The following SORL1 variants were observed in gnomAD, a reference collection of about 807,000 sequenced individuals.
SORL1 encodes sortilin related receptor 1, also known as sortilin-related receptor.
SORL1 carries 127 observed loss-of-function variants against 273.7 expected under a neutral mutation model. That is an observed-to-expected ratio of 0.46 (90% CI 0.40 to 0.54). The LOEUF is 0.54. SORL1 is among the 20% of genes least tolerant of loss of function. SORL1 has a pLI of 0.00. For missense variants in SORL1, 2,494 were observed against 2,846.1 expected (o/e 0.88, Z 2.81); for synonymous variants, 1,031 against 1,067.4 (o/e 0.97, Z 0.66).
At chr11:121,597,351 G>A (rs1180557308) in intron 32 of SORL1, among the ~76,000 whole-genome samples, 3 of 152,026 alleles carry the variant, frequency 2.0e-5, no homozygotes, top group South Asian at 2.1e-4. Flanking sequence ...CATGCACAGC[G>A]TGGCAGGCAT....
chr11:121,463,652 G>A (rs1486590933), intron 1 of SORL1, among the ~76,000 whole-genome samples: 1 of 152,180 alleles, frequency 6.6e-6, no homozygotes. Context: ...TCTGGAAAAT[G>A]GGCAGCCTGA....
intron 42 of SORL1, 75 bp from the exon 43 acceptor site, chr11:121,619,678 T>A: frequency 8.7e-7 from 1 of 1,155,116 alleles, no homozygotes; most frequent in Admixed American, 2.4e-5. Flanking sequence ...CATTATTTTG[T>A]TGAAAAAATA....
Position 121,574,308 on chromosome 11 carries a change from C to T in SORL1, c.3405C>T (p.Ser1135=), listed in dbSNP as rs866201628. ...CQESGTCIPL[S]YKCDLEDDCG... is the part of the protein sequence containing the mutation. ...AGTCTGGGACTTGTATCCCACTGTCCTATAAATGTGACCTTGAGGATGACT... is the reference window on the plus strand; with the variant it reads ...AGTCTGGGACTTGTATCCCACTGTCTTATAAATGTGACCTTGAGGATGACT... Residue 1135 remains serine (S), a synonymous_variant, in exon 24 of 48, where the codon TCC becomes TCT. Coordinates refer to ENST00000260197, the MANE Select transcript of SORL1 (RefSeq NM_003105.6). The T allele has an allele frequency of 6.2e-7, 1 of 1,613,668 alleles. No individual in the cohort carries two copies.
chr11:121,558,932 T>C, intron 20 of SORL1, 95 bp downstream of exon 20: 4 of 1,476,460 alleles, frequency 2.7e-6, no homozygotes, highest in Non-Finnish European at 3.7e-6. Flanking sequence ...AGAGAAGCTG[T>C]TTAACTTCTT....
In SORL1 at chr11:121,621,163, G is replaced by A. The variant is rs1302534334; in HGVS notation, c.5989G>A (p.Glu1997Lys). Residue 1997 changes from glutamate to lysine, a missense_variant, in exon 44 of 48, where the codon GAG becomes AAG. This residue lies in a region of SORL1 where 1,609 missense variants were observed against 1,816.4 expected (regional missense o/e 0.89). Coordinates refer to ENST00000260197, the MANE Select transcript of SORL1 (RefSeq NM_003105.6). ...STVEYTLNKL[E>K]PGGKYHIIVQ... ...TGTGGAATACACCCTTAACAAGTTG[G>A]AGCCTGGCGGGAAATACCACATCAT... is the stretch of plus-strand genomic sequence containing the variant. 6.2e-7 allele frequency: 1 copy of A among 1,614,196 alleles called. No individual in the cohort carries two copies.
At chr11:121,490,926 A>G (rs1861543775) in intron 5 of SORL1, among the ~76,000 whole-genome samples, 1 of 152,190 alleles carries the variant, frequency 6.6e-6, no homozygotes, top group African/African-American at 2.4e-5. Context: ...GCACAGAGGT[A>G]ACAGACATAG....
intron 24 of SORL1, among the ~76,000 whole-genome samples, chr11:121,576,585 A>G (rs939971360): frequency 1.3e-5 from 2 of 152,234 alleles, no homozygotes; most frequent in Non-Finnish European, 1.5e-5. Flanking sequence ...ATAAATTGCT[A>G]TTGTTTATAA....
intron 7 of SORL1, 73 bp from the exon 8 acceptor site, chr11:121,514,079 T>A: frequency 6.8e-7 from 1 of 1,475,234 alleles, no homozygotes; most frequent in Non-Finnish European, 9.3e-7. Flanking sequence ...AGTCATTGCT[T>A]CCGTGTGTAT....
At chr11:121,480,859 G>A (rs2511257) in intron 3 of SORL1, among the ~76,000 whole-genome samples, 6 of 142,148 alleles carry the variant, frequency 4.2e-5, no homozygotes, top group East Asian at 2.2e-4. Flanking sequence ...CTATAGGCAG[G>A]CTCCATCTCT....
chr11:121,621,460 T>G (rs1863722844), intron 44 of SORL1, among the ~76,000 whole-genome samples: 1 of 152,214 alleles, frequency 6.6e-6, no homozygotes, highest in South Asian at 2.1e-4. Flanking sequence ...ATCGTTTTCT[T>G]TATTTTCTAA....
Position 121,611,380 on chromosome 11 carries a change from T to C in SORL1, c.5322+222T>C, listed in dbSNP as rs555946275. The C allele has an allele frequency of 5.5e-5, 24 of 432,962 alleles. 1 individual carries two copies. Among genetic ancestry groups the C allele is most frequent in the African/African-American group, 3.0e-4 (15 of 49,834 alleles). 26.8% of individuals were successfully genotyped at this position (432,962 alleles called of 1,614,324 possible). On this transcript the variant is annotated intron_variant, in intron 39 of 47. Transcript: ENST00000260197. ...AATTATTCTGCCTCAGCCTGGTGCC[T>C]TTTTATCCTTAACCATATAATTAAA...
In SORL1 at chr11:121,604,230, C is replaced by G. The variant is rs1863433830; in HGVS notation, c.4557C>G (p.Phe1519Leu). ...HSTLTCMSRE[F>L]QCEDGEACIV... ...CCTTGACTTGCATGAGCAGGGAGTT[C>G]CAGTGCGAGGACGGGGAGGCCTGCA... The change falls in exon 33 of 48, where the codon TTC (phenylalanine) becomes TTG (leucine). Residue 1519 changes from phenylalanine to leucine, a missense_variant. Around this residue, in one of 3 missense-constraint regions of SORL1, gnomAD observed 1,609 missense variants for 1,816.4 expected, o/e 0.89. Transcript: ENST00000260197. The G allele has an allele frequency of 6.2e-7, 1 of 1,614,024 alleles. No individual in the cohort carries two copies. Among genetic ancestry groups the G allele is most frequent in the Non-Finnish European group, 8.5e-7 (1 of 1,180,024 alleles).
At position 121,622,236 on chromosome 11, in the gene SORL1, G is replaced by T; in HGVS notation, c.6139G>T (p.Ala2047Ser). ...DHVLLFWKSL[A>S]LKEKHFNESR... Reference sequence around the variant, plus strand: ...TGTTCTTCTGTTTTGGAAAAGCCTGGCTTTAAAGGAAAAGCATTTTAATGA... The same window carrying T: ...TGTTCTTCTGTTTTGGAAAAGCCTGTCTTTAAAGGAAAAGCATTTTAATGA... The change falls in exon 45 of 48, where the codon GCT becomes TCT. Residue 2047 changes from alanine to serine, a missense_variant. Ala to Ser is a moderately conservative substitution (Grantham distance 99). This residue lies in a region of SORL1 where 1,609 missense variants were observed against 1,816.4 expected (regional missense o/e 0.89). Coordinates refer to ENST00000260197, the MANE Select transcript of SORL1 (RefSeq NM_003105.6). 6.2e-7 allele frequency: 1 copy of T among 1,611,426 alleles called. No individual in the cohort carries two copies. Among genetic ancestry groups the T allele is most frequent in the Non-Finnish European group, 8.5e-7 (1 of 1,178,200 alleles).
chr11:121,628,516 A>T (rs1240762025), intron 47 of SORL1, among the ~76,000 whole-genome samples: 1 of 152,188 alleles, frequency 6.6e-6, no homozygotes, highest in African/African-American at 2.4e-5. Flanking sequence ...CACCACTCAC[A>T]GCCTGCTGTG....
At chr11:121,534,759 A>T (rs1862245621) in intron 12 of SORL1, among the ~76,000 whole-genome samples, 1 of 152,224 alleles carries the variant, frequency 6.6e-6, no homozygotes, top group African/African-American at 2.4e-5. Context: ...ATTTACTGTG[A>T]CACCCATGCA....
At chr11:121,541,831 G>A (rs2134884224) in intron 12 of SORL1, among the ~76,000 whole-genome samples, 1 of 152,302 alleles carries the variant, frequency 6.6e-6, no homozygotes, top group Middle Eastern at 3.4e-3. Flanking sequence ...CAAAGATAAT[G>A]TAAAATCAGT....
chr11:121,462,104 C>T (rs970054809), intron 1 of SORL1, among the ~76,000 whole-genome samples: 7 of 152,132 alleles, frequency 4.6e-5, no homozygotes, highest in African/African-American at 7.2e-5. Flanking sequence ...CAAACCAACC[C>T]GCTAACTTGT....
chr11:121,608,241 A>G, intron 38 of SORL1, 65 bp downstream of exon 38: 1 of 1,315,952 alleles, frequency 7.6e-7, no homozygotes. Context: ...AATGACTTTC[A>G]GTATGACCGG....
intron 6 of SORL1, among the ~76,000 whole-genome samples, chr11:121,507,445 T>A (rs1034394602): frequency 3.3e-5 from 5 of 152,182 alleles, no homozygotes; most frequent in Non-Finnish European, 7.3e-5. Flanking sequence ...TCTTTTAGGC[T>A]GTTTATTTTT....
Sources: gnomAD v4.1 joint callset for allele counts (sites outside exome capture counted in the v4.1 genomes callset) on GRCh38, gnomAD v4.1.1 for gene constraint, gnomAD v4.1.1 regional missense constraint, MANE v1.5 for transcripts, NCBI Gene and HGNC (gene_info 2026-07-23, HGNC 2026-07-21) for gene names.